TLE4: variants seen among roughly 807,000 people sequenced by gnomAD.
TLE4 encodes transducin-like enhancer protein 4.
A neutral mutation model predicts 92.8 loss-of-function variants in TLE4; 8 were observed. The observed-to-expected ratio is 0.09, with a 90% CI of 0.05 to 0.16. The LOEUF (loss-of-function observed/expected upper bound fraction) is 0.16, where lower values mean the gene tolerates loss of function less well. Ranked by LOEUF, TLE4 falls within the 10% of genes least tolerant of loss-of-function variation. The pLI, the probability that TLE4 is intolerant of heterozygous loss-of-function variation, is 1.00. For synonymous variants in TLE4, 371 were observed against 374.1 expected (o/e 0.99, Z 0.10); for missense variants, 675 against 997.6 (o/e 0.68, Z 4.36).
At chr9:79,619,257 T>C (rs759867495) in intron 5 of TLE4, among the ~76,000 whole-genome samples, 1 of 152,188 alleles carries the variant, frequency 6.6e-6, no homozygotes, top group Non-Finnish European at 1.5e-5. Flanking sequence ...TCCATGTAAT[T>C]TGATGGAAAA....
intron 1 of TLE4, among the ~76,000 whole-genome samples, 157 bp downstream of exon 1, chr9:79,572,992 C>A (rs1278587961): frequency 6.6e-6 from 1 of 152,090 alleles, no homozygotes; most frequent in East Asian, 1.9e-4. Flanking sequence ...ATCACCCCCA[C>A]CCCCCGGCGC....
chr9:79,605,823 C>T (rs1159233912), intron 4 of TLE4, among the ~76,000 whole-genome samples: 1 of 152,102 alleles, frequency 6.6e-6, no homozygotes. Context: ...GCACACTTAA[C>T]ATGCAGTAAA....
chr9:79,682,911 A>T (rs1050187936), intron 8 of TLE4, among the ~76,000 whole-genome samples: 15 of 152,238 alleles, frequency 9.9e-5, no homozygotes, highest in Admixed American at 2.0e-4. Flanking sequence ...GTTATAAAAA[A>T]ATGTAGGAAT....
chr9:79,623,870 C>T (rs535813856), intron 5 of TLE4, among the ~76,000 whole-genome samples: 4 of 152,032 alleles, frequency 2.6e-5, no homozygotes, highest in East Asian at 3.9e-4. Flanking sequence ...GTACTGGTGG[C>T]GCATTCAAAC....
chr9:79,715,516 G>A (rs946888155), intron 14 of TLE4, among the ~76,000 whole-genome samples: 1 of 151,970 alleles, frequency 6.6e-6, no homozygotes, highest in Non-Finnish European at 1.5e-5. Flanking sequence ...CAGCACCAGC[G>A]GTGGGGTTAA....
intron 4 of TLE4, among the ~76,000 whole-genome samples, chr9:79,593,897 A>T (rs1305993967): frequency 1.3e-5 from 2 of 152,222 alleles, no homozygotes; most frequent in Non-Finnish European, 2.9e-5. Context: ...TCAACTCCTT[A>T]TAGGCAATAC....
chr9:79,722,331 A>G, intron 17 of TLE4, 120 bp from the exon 18 acceptor site: 1 of 1,269,444 alleles, frequency 7.9e-7, no homozygotes, highest in Non-Finnish European at 1.1e-6. Flanking sequence ...CCCCTGTACA[A>G]TTCAAATTAT....
intron 14 of TLE4, among the ~76,000 whole-genome samples, chr9:79,710,640 C>T (rs2073037441): frequency 6.6e-6 from 1 of 152,122 alleles, no homozygotes; most frequent in African/African-American, 2.4e-5. Context: ...TACTGTCCTT[C>T]TTCCTGCAAA....
intron 8 of TLE4, among the ~76,000 whole-genome samples, chr9:79,684,727 C>T (rs946201823): frequency 1.4e-4 from 22 of 152,234 alleles, no homozygotes; most frequent in Middle Eastern, 3.4e-3. Flanking sequence ...CTATGGTATC[C>T]CTCTAGCAGG....
At chr9:79,693,690 C>T (rs1254223152) in intron 8 of TLE4, 1 of 514,124 alleles carries the variant, frequency 1.9e-6, no homozygotes, top group Non-Finnish European at 3.9e-6. Flanking sequence ...TTTTAATCTT[C>T]CTTCATTTGT....
At chr9:79,699,455 G>C (rs188300195) in intron 8 of TLE4, among the ~76,000 whole-genome samples, 81 of 152,314 alleles carry the variant, frequency 5.3e-4, no homozygotes, top group Admixed American at 2.0e-3. Context: ...TTTTGAGAGT[G>C]AAGGGAAGTC....
chr9:79,666,221 T>TGTTTTGTTTTG (rs71364426), intron 8 of TLE4, among the ~76,000 whole-genome samples: 1 of 111,398 alleles, frequency 9.0e-6, no homozygotes, highest in African/African-American at 4.1e-5. Context: ...TTTTTTGTTT[T>TGTTTTGTTTTG]TTTTTTTTTT....
At chr9:79,720,008 C>T (rs766695647) in intron 15 of TLE4, 38 bp from the exon 16 acceptor site, 2 of 1,571,754 alleles carry the variant, frequency 1.3e-6, no homozygotes, top group Non-Finnish European at 1.7e-6. Context: ...GTTTTCCTTT[C>T]CTCATGAGTA....
At chr9:79,678,533 T>A (rs1442559348) in intron 8 of TLE4, among the ~76,000 whole-genome samples, 2 of 152,080 alleles carry the variant, frequency 1.3e-5, no homozygotes, top group African/African-American at 4.8e-5. Context: ...CAATACACAG[T>A]CAGTAATTCT....
chr9:79,621,882 G>T (rs2051093972), intron 5 of TLE4, among the ~76,000 whole-genome samples: 1 of 152,096 alleles, frequency 6.6e-6, no homozygotes, highest in African/African-American at 2.4e-5. Flanking sequence ...TAGCCAAAAG[G>T]GCATTTGGTC....
intron 4 of TLE4, among the ~76,000 whole-genome samples, chr9:79,596,251 A>G (rs913004901): frequency 1.3e-5 from 2 of 152,124 alleles, no homozygotes; most frequent in African/African-American, 4.8e-5. Context: ...AGAAGCTTTA[A>G]AATTAAGCCT....
Position 79,572,851 on chromosome 9 carries a change from G to A in TLE4, c.45+16G>A, listed in dbSNP as rs529704895. ...CAGACACCCAGTGAGTGCGGGCGGC[G>A]GGGCGCGGGCTCGCCGGGTGCTGGG... On this transcript the variant is annotated intron_variant, in intron 1 of 19. Transcript: ENST00000376552. 19 of 1,593,300 alleles carry A rather than the reference G, an allele frequency of 1.2e-5. No homozygotes were observed. In the South Asian group the frequency reaches 1.7e-4, roughly 14 times the overall value.
At chr9:79,611,202 C>A (rs895324572) in intron 4 of TLE4, among the ~76,000 whole-genome samples, 13 of 152,036 alleles carry the variant, frequency 8.6e-5, no homozygotes, top group African/African-American at 3.1e-4. Flanking sequence ...ATTCCCATTG[C>A]AGCTCTTCAT....
intron 8 of TLE4, among the ~76,000 whole-genome samples, chr9:79,659,506 A>G (rs2060233271): frequency 6.6e-6 from 1 of 152,022 alleles, no homozygotes; most frequent in Non-Finnish European, 1.5e-5. Context: ...ATTATTTCAA[A>G]TAATTGGTTT....
Sources: allele counts gnomAD v4.1 joint callset (sites outside exome capture counted in the v4.1 genomes callset), GRCh38; gene constraint gnomAD v4.1.1; transcripts MANE v1.5; gene names NCBI Gene and HGNC (gene_info 2026-07-23, HGNC 2026-07-21).